SLC36A1: variants seen among roughly 807,000 people sequenced by gnomAD.
The protein encoded by SLC36A1 is proton-coupled amino acid transporter 1.
In SLC36A1, 30 loss-of-function variants were observed where a neutral mutation model predicts 47.5. The ratio of observed to expected loss-of-function variants is 0.63; its 90% CI spans 0.47 to 0.86. The LOEUF (loss-of-function observed/expected upper bound fraction) is 0.86. Ranked by LOEUF, SLC36A1 falls within the 40% of genes least tolerant of loss-of-function variation. SLC36A1 has a pLI of 0.00. For synonymous variants in SLC36A1, 255 were observed against 249.7 expected, an observed-to-expected ratio of 1.02 and a Z score of -0.20; for missense variants, 517 against 606.0, an observed-to-expected ratio of 0.85 and a Z score of 1.54.
the SLC36A1 span, among the ~76,000 whole-genome samples, chr5:151,507,920 T>C: frequency 6.6e-6 from 1 of 152,206 alleles, no homozygotes; most frequent in Non-Finnish European, 1.5e-5. Context: ...CCCATATCAC[T>C]GCAGTAGAGA....
the SLC36A1 span, among the ~76,000 whole-genome samples, chr5:151,523,085 A>G: frequency 3.3e-5 from 5 of 152,062 alleles, no homozygotes; most frequent in South Asian, 2.1e-4. Context: ...GGTCTCCACA[A>G]TTTTCCCTGT....
chr5:151,449,784 A>G (rs1240067458), intron 1 of SLC36A1, among the ~76,000 whole-genome samples: 6 of 151,456 alleles, frequency 4.0e-5, no homozygotes, highest in African/African-American at 1.2e-4. Context: ...TCTCTGGGCA[A>G]TTACTTCGGG....
chr5:151,516,567 A>AT, the SLC36A1 span, among the ~76,000 whole-genome samples: 5 of 152,118 alleles, frequency 3.3e-5, no homozygotes, highest in South Asian at 1.0e-3. Flanking sequence ...ATGCCCCTCC[A>AT]TTTTTTCCTT....
the SLC36A1 span, among the ~76,000 whole-genome samples, chr5:151,432,022 A>G: frequency 6.6e-6 from 1 of 152,094 alleles, no homozygotes. Context: ...TGGATGGATA[A>G]ATGGGCTTCT....
At chr5:151,429,261 A>G in the SLC36A1 span, among the ~76,000 whole-genome samples, 16 of 151,292 alleles carry the variant, frequency 1.1e-4, no homozygotes, top group South Asian at 2.5e-3. Flanking sequence ...TGTTTGTTAC[A>G]TATGTATACA....
chr5:151,427,459 TTC>T, the SLC36A1 span, among the ~76,000 whole-genome samples: 1 of 152,200 alleles, frequency 6.6e-6, no homozygotes, highest in African/African-American at 2.4e-5. Flanking sequence ...GTGTCACACT[TTC>T]TGTCCTGAGT....
chr5:151,438,886 A>C (rs951163756), intron 1 of SLC36A1, among the ~76,000 whole-genome samples: 1 of 152,066 alleles, frequency 6.6e-6, no homozygotes, highest in African/African-American at 2.4e-5. Context: ...TTTTTTCTTT[A>C]AACATATTTC....
the SLC36A1 span, among the ~76,000 whole-genome samples, chr5:151,523,379 T>C: frequency 1.3e-5 from 2 of 152,188 alleles, no homozygotes; most frequent in Non-Finnish European, 2.9e-5. Flanking sequence ...TTTATCCTTC[T>C]TATGAGATAG....
At chr5:151,468,266 A>AAATATATATATATATAT (rs55642458) in intron 7 of SLC36A1, among the ~76,000 whole-genome samples, 2 of 63,828 alleles carry the variant, frequency 3.1e-5, no homozygotes, top group African/African-American at 1.8e-4. Context: ...AAAAAAAAAA[A>AAATATATATATATATAT]ATATATATAT....
the SLC36A1 span, among the ~76,000 whole-genome samples, chr5:151,365,555 C>G: frequency 6.6e-6 from 1 of 152,186 alleles, no homozygotes; most frequent in Non-Finnish European, 1.5e-5. Context: ...CAGAGGTCAT[C>G]TAGTCCACCC....
At chr5:151,507,410 C>CAGG in the SLC36A1 span, 1 of 1,614,188 alleles carries the variant, frequency 6.2e-7, no homozygotes, top group South Asian at 1.1e-5. Context: ...CACTCCTGGC[C>CAGG]AGGAGGTCTG....
intron 1 of SLC36A1, among the ~76,000 whole-genome samples, chr5:151,439,898 T>G (rs1752522113): frequency 2.0e-5 from 3 of 152,212 alleles, no homozygotes; most frequent in Admixed American, 1.3e-4. Context: ...TTATAGGAAT[T>G]TTATTTTTTC....
chr5:151,368,736 A>G, the SLC36A1 span, among the ~76,000 whole-genome samples: 1 of 152,094 alleles, frequency 6.6e-6, no homozygotes, highest in Non-Finnish European at 1.5e-5. Context: ...AATCATGGGG[A>G]GTTCCCATCC....
At chr5:151,388,501 C>CAAAAAAAAAAAAAAA in the SLC36A1 span, among the ~76,000 whole-genome samples, 3 of 90,776 alleles carry the variant, frequency 3.3e-5, no homozygotes, top group Non-Finnish European at 6.1e-5. Context: ...AACTCCATCT[C>CAAAAAAAAAAAAAAA]AAAAGAAAAA....
chr5:151,458,686 G>A, intron 1 of SLC36A1, 102 bp from the exon 2 acceptor site: 1 of 1,271,588 alleles, frequency 7.9e-7, no homozygotes, highest in Non-Finnish European at 1.1e-6. Context: ...CTGTCACAGT[G>A]AGCAACTCTG....
At chr5:151,538,261 G>A in the SLC36A1 span, among the ~76,000 whole-genome samples, 1 of 152,238 alleles carries the variant, frequency 6.6e-6, no homozygotes, top group South Asian at 2.1e-4. Flanking sequence ...CCCACAGGCA[G>A]GGCTAGAAGG....
chr5:151,554,931 G>A, the SLC36A1 span, among the ~76,000 whole-genome samples: 1 of 152,314 alleles, frequency 6.6e-6, no homozygotes, highest in African/African-American at 2.4e-5. Flanking sequence ...CTGTTTATGT[G>A]GGACAACCCC....
the SLC36A1 span, among the ~76,000 whole-genome samples, chr5:151,385,534 C>T: frequency 2.6e-5 from 4 of 152,190 alleles, no homozygotes; most frequent in Non-Finnish European, 4.4e-5. Context: ...CATTTTCATC[C>T]TTGTCTCTGG....
At chr5:151,358,184 T>A in the SLC36A1 span, among the ~76,000 whole-genome samples, 1,640 of 152,308 alleles carry the variant, frequency 0.011, 67 homozygotes, top group East Asian at 0.15. Flanking sequence ...TCAGTTAGTT[T>A]GCATACTAAG....
Sources: gnomAD v4.1 joint callset for allele counts (sites outside exome capture counted in the v4.1 genomes callset) on GRCh38, gnomAD v4.1.1 for gene constraint, MANE v1.5 for transcripts, NCBI Gene and HGNC (gene_info 2026-07-23, HGNC 2026-07-21) for gene names.